The following STK39 variants were observed in gnomAD, a reference collection of about 807,000 sequenced individuals.
The protein encoded by STK39 is STE20/SPS1-related proline-alanine-rich protein kinase.
A neutral mutation model predicts 77.8 loss-of-function variants in STK39; 20 were observed. The ratio of observed to expected loss-of-function variants is 0.26; its 90% confidence interval spans 0.18 to 0.37. The LOEUF (loss-of-function observed/expected upper bound fraction) is 0.37, where lower values mean the gene tolerates loss of function less well. Among genes scored for constraint, STK39 ranks in the 10% least tolerant of loss-of-function variants. The probability of loss-of-function intolerance (pLI) is 1.00; values close to 1 mark genes in which losing one functional copy is unlikely to be tolerated. For missense variants in STK39, 479 were observed against 656.5 expected (o/e 0.73, Z 2.95); for synonymous variants, 246 against 234.1 (o/e 1.05, Z -0.47).
intron 14 of STK39, among the ~76,000 whole-genome samples, chr2:168,062,336 C>A (rs1209994189): frequency 6.6e-6 from 1 of 152,026 alleles, no homozygotes; most frequent in Non-Finnish European, 1.5e-5. Flanking sequence ...GTACCTCGTT[C>A]GAAAGTCAAA....
chr2:168,101,253 G>C (rs1686816402), intron 10 of STK39, among the ~76,000 whole-genome samples: 1 of 152,150 alleles, frequency 6.6e-6, no homozygotes. Flanking sequence ...AATACCTAAT[G>C]TAGATGATGG....
intron 1 of STK39, among the ~76,000 whole-genome samples, chr2:168,228,163 G>C (rs1441261043): frequency 6.6e-6 from 1 of 152,182 alleles, no homozygotes. Context: ...ACACTTTGCA[G>C]TAATCATAAG....
chr2:168,239,065 G>T (rs1690691991), intron 1 of STK39, among the ~76,000 whole-genome samples: 1 of 152,110 alleles, frequency 6.6e-6, no homozygotes, highest in Non-Finnish European at 1.5e-5. Flanking sequence ...TATCATGTCA[G>T]TCCCTTATAA....
At chr2:168,006,946 G>A (rs1684147736) in intron 16 of STK39, among the ~76,000 whole-genome samples, 15 of 152,182 alleles carry the variant, frequency 9.9e-5, no homozygotes, top group Admixed American at 9.2e-4. Flanking sequence ...AGGCTACCCT[G>A]AAGCTAGGTA....
intron 2 of STK39, 33 bp from the exon 3 acceptor site, chr2:168,167,440 T>G (rs199510048): frequency 1.8e-5 from 28 of 1,594,810 alleles, no homozygotes; most frequent in Non-Finnish European, 2.4e-5. Context: ...CATAGTACCA[T>G]GGGGTGAAAA....
intron 14 of STK39, among the ~76,000 whole-genome samples, chr2:168,046,341 G>T (rs1253366087): frequency 6.6e-6 from 1 of 152,176 alleles, no homozygotes; most frequent in Non-Finnish European, 1.5e-5. Flanking sequence ...ACTCCAGCCT[G>T]GCAACAGAGG....
intron 16 of STK39, among the ~76,000 whole-genome samples, chr2:168,008,785 T>C (rs981421959): frequency 1.3e-5 from 2 of 151,984 alleles, no homozygotes; most frequent in African/African-American, 2.4e-5. Context: ...ATGGGAGAAC[T>C]AGGAGAGGGT....
chr2:168,231,402 G>A (rs958156243), intron 1 of STK39, among the ~76,000 whole-genome samples: 6 of 151,896 alleles, frequency 4.0e-5, no homozygotes, highest in Non-Finnish European at 8.8e-5. Flanking sequence ...TTCTCAGGAG[G>A]AAAATAACAT....
At chr2:168,143,981 GAC>G (rs1688063865) in intron 5 of STK39, among the ~76,000 whole-genome samples, 1 of 152,204 alleles carries the variant, frequency 6.6e-6, no homozygotes, top group African/African-American at 2.4e-5. Flanking sequence ...CCTTGTTAAT[GAC>G]ACAGCATCTC....
intron 8 of STK39, among the ~76,000 whole-genome samples, chr2:168,135,712 T>C (rs751005627): frequency 3.3e-5 from 5 of 152,206 alleles, no homozygotes; most frequent in Non-Finnish European, 7.3e-5. Flanking sequence ...CATTCTTACA[T>C]TGCATAGATT....
At chr2:168,088,059 C>T (rs1001777559) in intron 10 of STK39, among the ~76,000 whole-genome samples, 2 of 119,494 alleles carry the variant, frequency 1.7e-5, no homozygotes, top group Admixed American at 8.4e-5. Context: ...GATTAATGAC[C>T]CGAGAAAAAA....
rs546377392 is a variant in STK39 at position 168,115,627 on chromosome 2, C to T, written c.1089+13914G>A. Among the ~76,000 whole-genome samples the T allele has an allele frequency of 2.6e-5, 4 of 152,244 alleles. No homozygotes were observed. The East Asian group carries it at 7.7e-4, about 29-fold the overall frequency. On this transcript the variant is annotated intron_variant, in intron 10 of 17. Coordinates refer to ENST00000355999, the MANE Select transcript of STK39 (RefSeq NM_013233.3). ...AATTTCATGCAGCCATTTGATTACGCTAATCTATGTTTGTTGACATAAAAA... is the reference window on the plus strand; with the variant it reads ...AATTTCATGCAGCCATTTGATTACGTTAATCTATGTTTGTTGACATAAAAA...
chr2:168,069,602 T>A (rs987978324), intron 12 of STK39, among the ~76,000 whole-genome samples: 10 of 152,234 alleles, frequency 6.6e-5, no homozygotes, highest in African/African-American at 2.4e-4. Context: ...TTAAAACAAA[T>A]CTTCAGGAAT....
chr2:168,104,439 G>C (rs770779537), intron 10 of STK39, among the ~76,000 whole-genome samples: 3 of 152,182 alleles, frequency 2.0e-5, no homozygotes, highest in Non-Finnish European at 4.4e-5. Flanking sequence ...AGTGAGTACA[G>C]TGTGAATACA....
At chr2:167,979,867 C>T (rs1683370289) in intron 16 of STK39, among the ~76,000 whole-genome samples, 1 of 152,168 alleles carries the variant, frequency 6.6e-6, no homozygotes. Context: ...ACAGGGAATC[C>T]ACCCAACTGT....
chr2:168,207,021 C>T (rs1689759827), intron 1 of STK39, among the ~76,000 whole-genome samples: 1 of 152,094 alleles, frequency 6.6e-6, no homozygotes, highest in African/African-American at 2.4e-5. Flanking sequence ...TCATTTATAC[C>T]CCTCTTTTGC....
At chr2:168,104,505 G>C (rs987205796) in intron 10 of STK39, among the ~76,000 whole-genome samples, 3 of 152,170 alleles carry the variant, frequency 2.0e-5, no homozygotes, top group Non-Finnish European at 4.4e-5. Context: ...GAGCCCATAG[G>C]GGGAGTTACA....
intron 10 of STK39, among the ~76,000 whole-genome samples, chr2:168,108,784 T>C (rs1246420539): frequency 2.0e-5 from 3 of 152,188 alleles, no homozygotes; most frequent in Non-Finnish European, 4.4e-5. Context: ...ATTTCTAACA[T>C]ATCATCAGTT....
At chr2:168,066,406 G>A (rs933070986) in intron 12 of STK39, among the ~76,000 whole-genome samples, 1 of 152,106 alleles carries the variant, frequency 6.6e-6, no homozygotes, top group Admixed American at 6.6e-5. Flanking sequence ...TTATTTTTAC[G>A]ATAAGATGTT....
Sources: allele counts gnomAD v4.1 joint callset (sites outside exome capture counted in the v4.1 genomes callset), GRCh38; gene constraint gnomAD v4.1.1; transcripts MANE v1.5; gene names NCBI Gene and HGNC (gene_info 2026-07-23, HGNC 2026-07-21).